The following DPEP2 variants were observed in gnomAD, a reference collection of about 807,000 sequenced individuals.
The protein encoded by DPEP2 is dipeptidase 2.
Under a neutral mutation model 51.8 loss-of-function variants are expected in DPEP2, and 45 were observed. That is an observed-to-expected ratio of 0.87 (90% CI 0.68 to 1.11). The LOEUF (loss-of-function observed/expected upper bound fraction) is 1.11, where lower values mean the gene tolerates loss of function less well. Among genes scored for constraint, DPEP2 ranks in the 50% most tolerant of loss-of-function variants. DPEP2 has a pLI of 0.00. For missense variants in DPEP2, 604 were observed against 631.9 expected (o/e 0.96, Z 0.47); for synonymous variants, 255 against 262.7 (o/e 0.97, Z 0.28).
intron 2 of DPEP2, 152 bp downstream of exon 2, chr16:67,992,798 T>C (rs1449709083): frequency 2.0e-6 from 3 of 1,480,250 alleles, no homozygotes; most frequent in Admixed American, 2.3e-5. Flanking sequence ...CAAGAGGGGA[T>C]GACAGAGGGG....
chr16:67,994,947 C>T, intron 1 of DPEP2: 1 of 967,312 alleles, frequency 1.0e-6, no homozygotes, highest in Non-Finnish European at 1.2e-6. Flanking sequence ...GTTGCCCAGG[C>T]TAGAGGGTAG....
intron 8 of DPEP2, among the ~76,000 whole-genome samples, chr16:67,989,795 C>T (rs1033672066): frequency 3.3e-5 from 5 of 152,176 alleles, no homozygotes; most frequent in Non-Finnish European, 5.9e-5. Context: ...GGCCAGAGGC[C>T]GAGGAAGGGT....
At chr16:67,995,025 C>T (rs908859867) in intron 1 of DPEP2, 8 of 406,904 alleles carry the variant, frequency 2.0e-5, no homozygotes, top group South Asian at 1.0e-4. Context: ...CTTAACTTCC[C>T]GAGTAGCTGG....
In DPEP2 at chr16:67,990,950, G is replaced by A; in HGVS notation, c.780C>T (p.Ser260=). ...GCCGTGCCACAGCATCTGAGACATG[G>A]GATAAGTCTACCATCATGCCCAGGC... ...MNRLGMMVDL[S]HVSDAVARRA... The change falls in exon 7 of 11, where the codon TCC becomes TCT. Residue 260 remains serine, a synonymous_variant. Transcript: ENST00000393847. The A allele has an allele frequency of 6.2e-7, 1 of 1,614,184 alleles. No individual in the cohort carries two copies. The highest frequency in any genetic ancestry group is 1.3e-5 in the African/African-American group (1 of 75,028).
Position 67,991,885 on chromosome 16 carries a change from C to A in DPEP2, c.615G>T (p.Met205Ile). ...NSLSILRTFY[M>I]LGVRYLTLTH... ...TGAGCGTCAGGTAGCGCACTCCCAG[C>A]ATGTAGAAGGTACGTAAGATGGAGA... Residue 205 changes from methionine to isoleucine, a missense_variant, in exon 5 of 11, where the codon ATG becomes ATT. Transcript: ENST00000393847. The surrounding 1 kb of genome is among the most constrained non-coding windows in gnomAD (Gnocchi z 5.1). The A allele has an allele frequency of 1.2e-6, 2 of 1,614,170 alleles. No homozygotes were observed. Among genetic ancestry groups the A allele is most frequent in the Non-Finnish European group, 1.7e-6 (2 of 1,180,044 alleles).
In DPEP2 at chr16:67,992,103, C is replaced by T; in HGVS notation, c.481G>A (p.Ala161Thr). The change falls in exon 4 of 11, where the codon GCC (alanine) becomes ACC (threonine). Residue 161 changes from alanine to threonine, a missense_variant. Transcript: ENST00000393847. ...EQIDLIRRMC[A>T]SYSELELVTS... is the part of the protein sequence containing the mutation. Reference sequence around the variant, plus strand: ...ACAAGCTCCAGCTCAGAATAGGAGGCACACATGCGGCGTATGAGGTCAATC... The same window carrying T: ...ACAAGCTCCAGCTCAGAATAGGAGGTACACATGCGGCGTATGAGGTCAATC... The T allele has an allele frequency of 6.2e-7, 1 of 1,614,202 alleles. No individual in the cohort carries two copies. The highest frequency in any genetic ancestry group is 8.5e-7 in the Non-Finnish European group (1 of 1,180,040).
In DPEP2 at chr16:67,989,336, C is replaced by T. The variant is rs754728021; in HGVS notation, c.1057G>A (p.Asp353Asn). ...SKFIGIGGDY[D>N]GAGKFPQGLE... is the part of the protein sequence containing the mutation. ...GAAGGCACTCACTTGCCGGCCCCATCATAATCTCCACCAATCCCGATGAAC... is the reference window on the plus strand; with the variant it reads ...GAAGGCACTCACTTGCCGGCCCCATTATAATCTCCACCAATCCCGATGAAC... Residue 353 changes from aspartate (D) to asparagine (N), a missense_variant, in exon 9 of 11, where the codon GAT becomes AAT. By Grantham distance (23) the Asp-to-Asn change is conservative. Transcript: ENST00000393847. 6.8e-6 allele frequency: 11 copies of T among 1,614,194 alleles called. No homozygotes were observed. In the South Asian group the frequency reaches 1.1e-4, roughly 16 times the overall value.
At position 67,993,027 on chromosome 16, in the gene DPEP2, G is replaced by C; in HGVS notation, c.186C>G (p.Thr62=). 2.5e-6 allele frequency: 4 copies of C among 1,593,028 alleles called. No individual in the cohort carries two copies. The highest frequency in any genetic ancestry group is 3.4e-6 in the Non-Finnish European group (4 of 1,169,290). ...HTMPGTYAPS[T]TLSSPSTQGL... is the part of the protein sequence containing the mutation. ...CCTGGGTGCTGGGACTACTGAGTGT[G>C]GTCGAGGGAGCGTAGGTGCCCGGCA... is the stretch of plus-strand genomic sequence containing the variant. Residue 62 remains threonine, a synonymous_variant, in exon 2 of 11, where the codon ACC becomes ACG. Transcript: ENST00000393847.
chr16:67,994,144 C>T (rs2032518663), intron 1 of DPEP2: 1 of 985,388 alleles, frequency 1.0e-6, no homozygotes, highest in Non-Finnish European at 1.2e-6. Flanking sequence ...CAGCAGAGTC[C>T]CCGGCCGCAG....
intron 1 of DPEP2, among the ~76,000 whole-genome samples, chr16:67,998,910 A>G (rs2032865382): frequency 6.6e-6 from 1 of 152,008 alleles, no homozygotes; most frequent in Non-Finnish European, 1.5e-5. Context: ...CGACGTGGAG[A>G]ACCTTTGTGT....
At chr16:67,993,751 C>T (rs889708818) in intron 1 of DPEP2, 4 of 985,826 alleles carry the variant, frequency 4.1e-6, no homozygotes, top group Non-Finnish European at 4.8e-6. Flanking sequence ...TCTGGATTTC[C>T]TGGTGCTGGG....
chr16:67,991,011 T>C lies in DPEP2; in HGVS notation c.733-14A>G. 1 of 1,613,784 alleles carries C rather than the reference T, an allele frequency of 6.2e-7. No individual in the cohort carries two copies. The highest frequency in any genetic ancestry group is 8.5e-7 in the Non-Finnish European group (1 of 1,179,698). ...TGCCACCACCTTCTGCAGGGACATG[T>C]TGGGAGAAGGGTATCAGGGGTGCAC... is the stretch of plus-strand genomic sequence containing the variant. On this transcript the variant is annotated splice_polypyrimidine_tract_variant and intron_variant, in intron 6 of 10. Transcript: ENST00000393847. This position sits in a 1 kb window ranked among gnomAD's most constrained non-coding sequence, Gnocchi z 5.1.
Position 67,991,071 on chromosome 16 carries a change from G to T in DPEP2, c.732+44C>A, listed in dbSNP as rs770633863. The T allele has an allele frequency of 2.6e-5, 42 of 1,614,030 alleles. No individual in the cohort carries two copies. The highest frequency in any genetic ancestry group is 3.4e-5 in the Non-Finnish European group (40 of 1,179,856). On this transcript the variant is annotated intron_variant, in intron 6 of 10. Coordinates refer to ENST00000393847, the MANE Select transcript of DPEP2 (RefSeq NM_022355.4). The surrounding 1 kb of genome is among the most constrained non-coding windows in gnomAD (Gnocchi z 5.1). ...CATTTATTTGTAAGAAACAGCTGGG[G>T]TGTGCACATTTGTTTGGGGTGGAGT...
upstream of DPEP2, chr16:68,000,446 A>T (rs533735427): frequency 1.0e-6 from 1 of 985,172 alleles, no homozygotes; most frequent in Non-Finnish European, 1.2e-6. Flanking sequence ...GCTGGGGCTT[A>T]CTCAGTATCC....
upstream of DPEP2, chr16:68,000,388 T>C (rs1042050908): frequency 1.1e-5 from 11 of 971,380 alleles, no homozygotes; most frequent in Admixed American, 6.2e-5. Flanking sequence ...GGCTGAGTTA[T>C]AGCTGCACAG....
intron 1 of DPEP2, chr16:67,994,807 A>G: frequency 1.0e-6 from 1 of 985,312 alleles, no homozygotes; most frequent in African/African-American, 1.7e-5. Flanking sequence ...TGCACACTTG[A>G]TGTTGCCCAG....
Position 67,990,951 on chromosome 16 carries a change from G to C in DPEP2, c.779C>G (p.Ser260Cys). The change falls in exon 7 of 11, where the codon TCC becomes TGC. Residue 260 changes from serine to cysteine, a missense_variant. Ser to Cys is a moderately radical substitution (Grantham distance 112). Transcript: ENST00000393847. ...CCGTGCCACAGCATCTGAGACATGG[G>C]ATAAGTCTACCATCATGCCCAGGCG... ...MNRLGMMVDL[S>C]HVSDAVARRA... is the part of the protein sequence containing the mutation. The C allele has an allele frequency of 6.2e-7, 1 of 1,614,220 alleles. No individual in the cohort carries two copies. Among genetic ancestry groups the C allele is most frequent in the Non-Finnish European group, 8.5e-7 (1 of 1,180,050 alleles).
chr16:68,000,577 A>G (rs773087968), upstream of DPEP2: 796 of 858,508 alleles, frequency 9.3e-4, 1 homozygote, highest in Non-Finnish European at 1.1e-3. Context: ...TTCCCAAGAA[A>G]CAATAGTCTT....
rs1598273005 is a variant in DPEP2 at position 67,992,990 on chromosome 16, G to A, written c.223C>T (p.Gln75Ter). Reference sequence around the variant, plus strand: ...AAGTCCCGCATCAGGGCCCGTGCCTGCTCTTGCAGGCCCTGGGTGCTGGGA... The same window carrying A: ...AAGTCCCGCATCAGGGCCCGTGCCTACTCTTGCAGGCCCTGGGTGCTGGGA... ...SSPSTQGLQE[Q>*]ARALMRDFPL... Residue 75 changes from glutamine to a stop codon, truncating the protein, a stop_gained, in exon 2 of 11, where the codon CAG becomes TAG. Transcript: ENST00000393847. LOFTEE classifies it high-confidence loss of function. 2 of 1,610,010 alleles carry A rather than the reference G, an allele frequency of 1.2e-6. No homozygotes were observed. The highest frequency in any genetic ancestry group is 1.7e-6 in the Non-Finnish European group (2 of 1,178,270).
Sources: gnomAD v4.1 joint callset for allele counts (sites outside exome capture counted in the v4.1 genomes callset) on GRCh38, gnomAD v4.1.1 for gene constraint, Gnocchi (gnomAD v3.1) non-coding constraint, MANE v1.5 for transcripts, NCBI Gene and HGNC (gene_info 2026-07-23, HGNC 2026-07-21) for gene names.